Variants in AVL9 observed in about 807,000 individuals in gnomAD.
AVL9 encodes the protein late secretory pathway protein AVL9 homolog.
AVL9 carries 49 observed loss-of-function variants against 79.2 expected under a neutral mutation model. That is an observed-to-expected ratio of 0.62 (90% CI 0.49 to 0.79). AVL9 has a LOEUF of 0.79. Among genes scored for constraint, AVL9 ranks in the 30% least tolerant of loss-of-function variants. The pLI is 0.00. For synonymous variants in AVL9, 299 were observed against 280.6 expected (o/e 1.07, Z -0.65); for missense variants, 682 against 776.8 (o/e 0.88, Z 1.45).
chr7:32,505,563 G>C (rs979291772), intron 1 of AVL9, among the ~76,000 whole-genome samples: 7 of 151,768 alleles, frequency 4.6e-5, no homozygotes, highest in Non-Finnish European at 1.0e-4. Context: ...CTACTTTGTA[G>C]CAAATCACAA....
At position 32,495,574 on chromosome 7, in the gene AVL9, C is replaced by T. The variant is rs1264417634; in HGVS notation, c.-136C>T. The T allele has an allele frequency of 6.0e-5, 29 of 480,214 alleles. No homozygotes were observed. Among genetic ancestry groups the T allele is most frequent in the Non-Finnish European group, 9.3e-5 (27 of 290,082 alleles). 29.7% of individuals were successfully genotyped at this position (480,214 alleles called of 1,614,324 possible). ...GGGGCGGCGGGAGCTGCTTTGCCTC[C>T]ACCGATCTCCCTGTGCGGCCCTCAT... On this transcript the variant is annotated 5_prime_UTR_variant, in exon 1 of 16. Coordinates refer to ENST00000318709, the MANE Select transcript of AVL9 (RefSeq NM_015060.3).
At chr7:32,540,305 T>C (rs1789120411) in intron 1 of AVL9, among the ~76,000 whole-genome samples, 1 of 152,258 alleles carries the variant, frequency 6.6e-6, no homozygotes, top group Non-Finnish European at 1.5e-5. Flanking sequence ...CTGAAATTGC[T>C]GAGTCAAAGG....
intron 4 of AVL9, among the ~76,000 whole-genome samples, chr7:32,550,012 C>T (rs1333189435): frequency 1.3e-5 from 2 of 151,886 alleles, no homozygotes; most frequent in African/African-American, 4.8e-5. Context: ...CATCTGATTC[C>T]TGTACACACC....
chr7:32,506,773 C>T (rs1787433901), intron 1 of AVL9, among the ~76,000 whole-genome samples: 2 of 151,518 alleles, frequency 1.3e-5, no homozygotes, highest in South Asian at 2.1e-4. Flanking sequence ...AGTGAAACTG[C>T]AGGTCAGGGG....
intron 1 of AVL9, among the ~76,000 whole-genome samples, chr7:32,518,689 AG>A (rs1262012515): frequency 6.6e-6 from 1 of 152,158 alleles, no homozygotes; most frequent in East Asian, 1.9e-4. Context: ...GGGTTGTTTA[AG>A]AAAGAAGGAT....
intron 1 of AVL9, among the ~76,000 whole-genome samples, chr7:32,541,796 C>A (rs1344179712): frequency 6.6e-6 from 1 of 151,538 alleles, no homozygotes; most frequent in Admixed American, 6.6e-5. Context: ...CTCACTGTAA[C>A]CTCCACCTCC....
At chr7:32,558,715 C>A in intron 9 of AVL9, 87 bp downstream of exon 9, 2 of 1,225,090 alleles carry the variant, frequency 1.6e-6, no homozygotes, top group South Asian at 1.4e-5. Flanking sequence ...AAGATAAATT[C>A]GTTAGGGTTA....
intron 10 of AVL9, among the ~76,000 whole-genome samples, chr7:32,568,512 T>C (rs545406945): frequency 6.6e-6 from 1 of 152,296 alleles, no homozygotes; most frequent in Non-Finnish European, 1.5e-5. Flanking sequence ...ATAATATTCT[T>C]TGGAGATGAA....
At chr7:32,541,835 C>T (rs2128133656) in intron 1 of AVL9, among the ~76,000 whole-genome samples, 1 of 152,136 alleles carries the variant, frequency 6.6e-6, no homozygotes, top group Admixed American at 6.5e-5. Flanking sequence ...CTGCCTCAGC[C>T]TCCTGAGTAG....
intron 15 of AVL9, 112 bp from the exon 16 acceptor site, chr7:32,583,680 A>G: frequency 2.8e-6 from 2 of 707,646 alleles, no homozygotes; most frequent in East Asian, 2.8e-5. Flanking sequence ...CGCTGTCTCA[A>G]AAAACATTTT....
At chr7:32,573,464 T>C (rs1790951249) in intron 12 of AVL9, 46 bp downstream of exon 12, 1 of 1,527,274 alleles carries the variant, frequency 6.5e-7, no homozygotes, top group African/African-American at 1.4e-5. Flanking sequence ...TATTATAATT[T>C]TTCATTTTGT....
chr7:32,552,718 TTTTG>T (rs1289759059), intron 6 of AVL9, among the ~76,000 whole-genome samples: 1 of 152,076 alleles, frequency 6.6e-6, no homozygotes, highest in African/African-American at 2.4e-5. Flanking sequence ...AGTTGGTATT[TTTTG>T]TTTGTTTGTT....
At chr7:32,516,555 G>A (rs1440733086) in intron 1 of AVL9, among the ~76,000 whole-genome samples, 1 of 152,128 alleles carries the variant, frequency 6.6e-6, no homozygotes, top group African/African-American at 2.4e-5. Context: ...TTGACCCCCA[G>A]CAACGTGCAG....
intron 9 of AVL9, 28 bp downstream of exon 9, chr7:32,558,656 CTTTT>C (rs755814472): frequency 1.9e-6 from 3 of 1,556,062 alleles, no homozygotes; most frequent in Non-Finnish European, 1.8e-6. Context: ...TCTACTCTTT[CTTTT>C]GTTTAACTTG....
intron 13 of AVL9, among the ~76,000 whole-genome samples, chr7:32,579,776 A>G (rs142872839): frequency 9.5e-4 from 142 of 148,940 alleles, no homozygotes; most frequent in African/African-American, 3.4e-3. Flanking sequence ...TCCATCCACA[A>G]ATCTTTGCAT....
intron 1 of AVL9, among the ~76,000 whole-genome samples, chr7:32,539,602 A>C (rs1257270286): frequency 6.6e-6 from 1 of 152,224 alleles, no homozygotes; most frequent in Non-Finnish European, 1.5e-5. Flanking sequence ...GACACTGTTG[A>C]CTGATATTCT....
intron 10 of AVL9, among the ~76,000 whole-genome samples, chr7:32,562,257 A>T (rs990440444): frequency 7.1e-6 from 1 of 141,070 alleles, no homozygotes; most frequent in Non-Finnish European, 1.6e-5. Flanking sequence ...GTGCCTATGT[A>T]TATTAAAATA....
intron 13 of AVL9, among the ~76,000 whole-genome samples, 167 bp from the exon 14 acceptor site, chr7:32,580,052 A>C (rs1791432071): frequency 6.6e-6 from 1 of 152,194 alleles, no homozygotes; most frequent in African/African-American, 2.4e-5. Context: ...GGATGTCGTC[A>C]CTGTAAGTGG....
intron 1 of AVL9, among the ~76,000 whole-genome samples, chr7:32,515,125 G>A (rs1787853444): frequency 6.6e-6 from 1 of 152,202 alleles, no homozygotes; most frequent in Non-Finnish European, 1.5e-5. Context: ...TCCATAAAAT[G>A]TATAAAAGCA....
Sources: allele counts gnomAD v4.1 joint callset (sites outside exome capture counted in the v4.1 genomes callset), GRCh38; gene constraint gnomAD v4.1.1; transcripts MANE v1.5; gene names NCBI Gene and HGNC (gene_info 2026-07-23, HGNC 2026-07-21).